Variants in GRK7 observed in about 807,000 individuals in gnomAD.
The protein encoded by GRK7 is rhodopsin kinase GRK7.
In GRK7, 24 loss-of-function variants were observed where a neutral mutation model predicts 34.1. The ratio of observed to expected loss-of-function variants is 0.70; its 90% CI spans 0.51 to 0.99. The LOEUF (loss-of-function observed/expected upper bound fraction) is 0.99. GRK7 is among the 50% of genes least tolerant of loss of function. The pLI is 0.00. For synonymous variants in GRK7, 256 were observed against 279.4 expected (o/e 0.92, Z 0.84); for missense variants, 644 against 707.3 (o/e 0.91, Z 1.02).
chr3:141,791,381 C>G (rs763625266), intron 4 of GRK7, among the ~76,000 whole-genome samples: 2 of 151,850 alleles, frequency 1.3e-5, no homozygotes, highest in Non-Finnish European at 2.9e-5. Flanking sequence ...TTTAAGTGCT[C>G]ACTTCTGAGA....
At chr3:141,812,248 A>C (rs1711100234) in intron 5 of GRK7, among the ~76,000 whole-genome samples, 1 of 152,196 alleles carries the variant, frequency 6.6e-6, no homozygotes, top group African/African-American at 2.4e-5. Flanking sequence ...AATGAGCAGA[A>C]GTCCTCCCTG....
intron 1 of GRK7, among the ~76,000 whole-genome samples, chr3:141,766,704 C>T (rs1165280244): frequency 1.3e-5 from 2 of 152,128 alleles, no homozygotes; most frequent in Non-Finnish European, 2.9e-5. Context: ...ACATATTCGC[C>T]ACATATCAAA....
intron 4 of GRK7, among the ~76,000 whole-genome samples, chr3:141,802,826 C>T (rs142927902): frequency 9.6e-4 from 146 of 152,224 alleles, no homozygotes; most frequent in African/African-American, 3.4e-3. Flanking sequence ...AGCTGCATCC[C>T]CCTCATCCAC....
intron 2 of GRK7, among the ~76,000 whole-genome samples, chr3:141,776,094 C>T (rs1447625165): frequency 6.6e-6 from 1 of 152,060 alleles, no homozygotes; most frequent in Non-Finnish European, 1.5e-5. Flanking sequence ...ACCATCATGG[C>T]TATCACAGTG....
In GRK7 at chr3:141,780,378, G is replaced by T. The variant is rs1223389879; in HGVS notation, c.617G>T (p.Cys206Phe). Residue 206 changes from cysteine to phenylalanine, a missense_variant, in exon 4 of 6, where the codon TGT (cysteine) becomes TTT (phenylalanine). Coordinates refer to ENST00000682958, the MANE Select transcript of GRK7 (RefSeq NM_139209.3). ...VLGKGGFGEV[C>F]AVQVKNTGKM... is the part of the protein sequence containing the mutation. ...TTCTTTTCTTTCTCCTTTAAGGTATGTGCCGTCCAGGTGAAAAACACTGGG... is the reference window on the plus strand; with the variant it reads ...TTCTTTTCTTTCTCCTTTAAGGTATTTGCCGTCCAGGTGAAAAACACTGGG... 2 of 1,613,678 alleles carry T rather than the reference G, an allele frequency of 1.2e-6. No homozygotes were observed. Among genetic ancestry groups the T allele is most frequent in the Non-Finnish European group, 1.7e-6 (2 of 1,179,754 alleles).
At chr3:141,774,199 G>A (rs996106154) in intron 1 of GRK7, among the ~76,000 whole-genome samples, 14 of 152,250 alleles carry the variant, frequency 9.2e-5, no homozygotes, top group East Asian at 5.8e-4. Flanking sequence ...TTCAGAAGCC[G>A]AAGCAGATGG....
intron 4 of GRK7, among the ~76,000 whole-genome samples, chr3:141,781,317 T>A (rs967674400): frequency 8.5e-5 from 13 of 152,120 alleles, no homozygotes; most frequent in African/African-American, 3.1e-4. Context: ...CGGGTGGATC[T>A]GCTGAGGTCA....
At chr3:141,785,558 G>T (rs950912083) in intron 4 of GRK7, among the ~76,000 whole-genome samples, 5 of 152,190 alleles carry the variant, frequency 3.3e-5, no homozygotes, top group Admixed American at 1.3e-4. Flanking sequence ...GAGGTCAGGA[G>T]TTCGAGACCA....
In GRK7 at chr3:141,772,377, G is replaced by A. The variant is rs562486408; in HGVS notation, c.-214-2203G>A. On this transcript the variant is annotated intron_variant, in intron 1 of 5. Coordinates refer to ENST00000682958, the MANE Select transcript of GRK7 (RefSeq NM_139209.3). The stretch of plus-strand genomic sequence containing the variant: ...CAAAGTGCTGGGATTACAGGCGTGA[G>A]CCACTGTGTCCGGCCTTTTTGGGTA... 3.6e-4 allele frequency among the ~76,000 whole-genome samples: 55 copies of A among 152,378 alleles called. 1 individual carries two copies. In the South Asian group the frequency reaches 0.011, roughly 29 times the overall value.
chr3:141,783,961 G>C (rs1255863164), intron 4 of GRK7, among the ~76,000 whole-genome samples: 2 of 152,176 alleles, frequency 1.3e-5, no homozygotes, highest in African/African-American at 2.4e-5. Context: ...GGAGAAAACT[G>C]AAGTGCAGCA....
upstream of GRK7, among the ~76,000 whole-genome samples, chr3:141,763,342 C>T (rs1315649181): frequency 6.6e-6 from 1 of 152,172 alleles, no homozygotes; most frequent in Non-Finnish European, 1.5e-5. Flanking sequence ...CTTCACCATT[C>T]CTTGCTGTTA....
At chr3:141,802,430 T>C (rs144696134) in intron 4 of GRK7, among the ~76,000 whole-genome samples, 206 of 151,588 alleles carry the variant, frequency 1.4e-3, no homozygotes, top group Non-Finnish European at 2.3e-3. Context: ...TAGACAGCCA[T>C]TGGTTTCTGG....
In GRK7 at chr3:141,778,678, A is replaced by G; in HGVS notation, c.394A>G (p.Thr132Ala). ...PQPFLSQAVATKCQAATTEEE... is the reference protein window; with the variant it reads ...PQPFLSQAVAAKCQAATTEEE... ...ACCCTTCCTCAGCCAGGCCGTGGCC[A>G]CCAAGTGCCAAGCAGCCACCACTGA... The change falls in exon 3 of 6, where the codon ACC becomes GCC. Residue 132 changes from threonine (T) to alanine (A), a missense_variant. By Grantham distance (58) the Thr-to-Ala change is moderately conservative. Transcript: ENST00000682958. This position sits in a 1 kb window ranked among gnomAD's most constrained non-coding sequence, Gnocchi z 4.1. 5.0e-6 allele frequency: 8 copies of G among 1,613,630 alleles called. No individual in the cohort carries two copies. Among genetic ancestry groups the G allele is most frequent in the Non-Finnish European group, 6.8e-6 (8 of 1,179,798 alleles).
rs1196001481 is a variant in GRK7 at position 141,778,343 on chromosome 3, G to A, written c.59G>A (p.Arg20Gln). 4.4e-6 allele frequency: 7 copies of A among 1,606,798 alleles called. No homozygotes were observed. The highest frequency in any genetic ancestry group is 1.1e-5 in the South Asian group (1 of 90,744). ...GCCAACACCGCCTACCTGCAGGCCC[G>A]GAAGCCCTCGGACTGCGACAGCAAA... ...LIANTAYLQARKPSDCDSKEL... is the reference protein window; with the variant it reads ...LIANTAYLQAQKPSDCDSKEL... The change falls in exon 3 of 6, where the codon CGG (arginine) becomes CAG (glutamine). Residue 20 changes from arginine (R) to glutamine (Q), a missense_variant. By Grantham distance (43) the Arg-to-Gln change is conservative. Coordinates refer to ENST00000682958, the MANE Select transcript of GRK7 (RefSeq NM_139209.3). The surrounding 1 kb of genome is among the most constrained non-coding windows in gnomAD (Gnocchi z 4.1).
chr3:141,779,195 A>G (rs2084658282), intron 3 of GRK7, among the ~76,000 whole-genome samples: 3 of 152,196 alleles, frequency 2.0e-5, no homozygotes, highest in Non-Finnish European at 4.4e-5. Context: ...TGTGTGACAG[A>G]AGATCTCCGT....
At chr3:141,792,002 TAAA>T (rs11324121) in intron 4 of GRK7, among the ~76,000 whole-genome samples, 18 of 81,474 alleles carry the variant, frequency 2.2e-4, no homozygotes, top group South Asian at 9.0e-4. Flanking sequence ...AGACTCCATC[TAAA>T]AAAAAAAAAA....
intron 4 of GRK7, among the ~76,000 whole-genome samples, chr3:141,800,473 C>T (rs1710947614): frequency 2.0e-5 from 3 of 149,236 alleles, no homozygotes; most frequent in Non-Finnish European, 4.4e-5. Context: ...AAGAACGATG[C>T]AGGGAATAGA....
chr3:141,782,812 GAA>G (rs112938180), intron 4 of GRK7, among the ~76,000 whole-genome samples: 103 of 139,236 alleles, frequency 7.4e-4, no homozygotes, highest in African/African-American at 9.7e-4. Context: ...CTTAAAAAAA[GAA>G]AAAAAAAAAA....
intron 4 of GRK7, among the ~76,000 whole-genome samples, chr3:141,799,232 G>A (rs962757475): frequency 2.0e-5 from 3 of 152,166 alleles, no homozygotes; most frequent in African/African-American, 7.2e-5. Context: ...CTCTACAAGG[G>A]AGAAAAGAAA....
Sources: gnomAD v4.1 joint callset for allele counts (sites outside exome capture counted in the v4.1 genomes callset) on GRCh38, gnomAD v4.1.1 for gene constraint, Gnocchi (gnomAD v3.1) non-coding constraint, MANE v1.5 for transcripts, NCBI Gene and HGNC (gene_info 2026-07-23, HGNC 2026-07-21) for gene names.